MLF2: variants seen among roughly 807,000 people sequenced by gnomAD.
MLF2 encodes the protein myeloid leukemia factor 2.
A neutral mutation model predicts 31.4 loss-of-function variants in MLF2; 12 were observed. The observed-to-expected ratio is 0.38, with a 90% confidence interval of 0.24 to 0.62. The LOEUF is 0.62. Among genes scored for constraint, MLF2 ranks in the 20% least tolerant of loss-of-function variants. The pLI is 0.58. For missense variants in MLF2, 272 were observed against 359.7 expected, an observed-to-expected ratio of 0.76 and a Z score of 1.97; for synonymous variants, 109 against 118.8, an observed-to-expected ratio of 0.92 and a Z score of 0.54.
Position 6,752,258 on chromosome 12 carries a change from A to G in MLF2, c.50+27T>C. ...GAACTGCTCAGAGACCTGGAGTGGG[A>G]GAGCTTGAGGGGGAGGGAATACTCA... On this transcript the variant is annotated intron_variant, in intron 2 of 8. Transcript: ENST00000203630. The surrounding 1 kb of genome is among the most constrained non-coding windows in gnomAD (Gnocchi z 4.6). The G allele has an allele frequency of 1.3e-6, 2 of 1,558,142 alleles. No homozygotes were observed. The highest frequency in any genetic ancestry group is 8.7e-7 in the Non-Finnish European group (1 of 1,150,046).
Position 6,750,694 on chromosome 12 carries a change from G to C in MLF2, c.270+19C>G. 6.2e-7 allele frequency: 1 copy of C among 1,613,004 alleles called. No individual in the cohort carries two copies. The highest frequency in any genetic ancestry group is 8.5e-7 in the Non-Finnish European group (1 of 1,179,042). ...ATCACTGAGAGCAAGGCCGGGGAAG[G>C]GTATGGGGCAAGTCTCACCATGTTT... On this transcript the variant is annotated intron_variant, in intron 5 of 8. Transcript: ENST00000203630. This position sits in a 1 kb window ranked among gnomAD's most constrained non-coding sequence, Gnocchi z 5.3.
chr12:6,748,859 G>T lies in MLF2; in HGVS notation c.683C>A (p.Pro228His), dbSNP rs1334812310. ...CTCAGGTCCCTGGATGGCCAGGCGGGGAGGCCCCTCCGCCCTTCGTCCCCC... is the reference window on the plus strand; with the variant it reads ...CTCAGGTCCCTGGATGGCCAGGCGGTGAGGCCCCTCCGCCCTTCGTCCCCC... ...GAGGRRAEGP[P>H]RLAIQGPEDS... The change falls in exon 8 of 9, where the codon CCC becomes CAC. Residue 228 changes from proline (P) to histidine (H), a missense_variant. Physicochemically the swap from Pro to His is moderately conservative, Grantham distance 77. Transcript: ENST00000203630. This position sits in a 1 kb window ranked among gnomAD's most constrained non-coding sequence, Gnocchi z 4.6. The T allele has an allele frequency of 6.3e-7, 1 of 1,589,064 alleles. No homozygotes were observed.
chr12:6,749,292 CG>C lies in MLF2; in HGVS notation c.560-311del, dbSNP rs1442843088. Among the ~76,000 whole-genome samples the C allele has an allele frequency of 1.3e-5, 2 of 149,626 alleles. No individual in the cohort carries two copies. Among genetic ancestry groups the C allele is most frequent in the Non-Finnish European group, 3.0e-5 (2 of 66,902 alleles). ...AAAAGATAAAGAGGGGAGAAAGAAA[CG>C]GATCAAGGTGGAGAAGGGTGTAACA... is the stretch of plus-strand genomic sequence containing the variant. On this transcript the variant is annotated intron_variant, in intron 7 of 8. Transcript: ENST00000203630. The surrounding 1 kb of genome is among the most constrained non-coding windows in gnomAD (Gnocchi z 5.3).
rs1941569905 is a variant in MLF2, at chr12:6,749,029, T to C, written c.560-47A>G. 3 of 1,485,878 alleles carry C rather than the reference T, an allele frequency of 2.0e-6. No homozygotes were observed. The highest frequency in any genetic ancestry group is 1.8e-6 in the Non-Finnish European group (2 of 1,123,952). 92.0% of individuals were successfully genotyped at this position (1,485,878 alleles called of 1,614,324 possible). ...TGAGGCCTGTGTGCGGCCTGGCTCC[T>C]GGAGGCCGATGTGCGAGCGAGCCAC... On this transcript the variant is annotated intron_variant, in intron 7 of 8. Transcript: ENST00000203630. This position sits in a 1 kb window ranked among gnomAD's most constrained non-coding sequence, Gnocchi z 5.3.
In MLF2 at chr12:6,752,581, C is replaced by T. The variant is rs920049823; in HGVS notation, c.-28-219G>A. The T allele has an allele frequency of 4.2e-6, 2 of 477,238 alleles. No individual in the cohort carries two copies. Among genetic ancestry groups the T allele is most frequent in the Admixed American group, 6.9e-5 (2 of 28,780 alleles). 29.6% of individuals were successfully genotyped at this position (477,238 alleles called of 1,614,324 possible). On this transcript the variant is annotated intron_variant, in intron 1 of 8. Transcript: ENST00000203630. The surrounding 1 kb of genome is among the most constrained non-coding windows in gnomAD (Gnocchi z 4.6). ...GGCCATGGAAAATTTTTCCAACCCT[C>T]TCGGTTTTTCCCTCCCCCACTCAGA...
rs780366039 is a variant in MLF2 at position 6,752,011 on chromosome 12, A to G, written c.94T>C (p.Ser32Pro). 9 of 1,614,232 alleles carry G rather than the reference A, an allele frequency of 5.6e-6. No individual in the cohort carries two copies. The highest frequency in any genetic ancestry group is 7.6e-6 in the Non-Finnish European group (9 of 1,180,034). The change falls in exon 3 of 9, where the codon TCA becomes CCA. Residue 32 changes from serine to proline, a missense_variant. Transcript: ENST00000203630. This position sits in a 1 kb window ranked among gnomAD's most constrained non-coding sequence, Gnocchi z 4.6. Reference protein sequence around the residue: ...IHRQHMSRMLSGGFGYSPFLS... With the variant: ...IHRQHMSRMLPGGFGYSPFLS... ...AAGGGGCTATATCCAAAGCCACCTG[A>G]CAACATACGGCTCATATGCTGACGG...
chr12:6,752,514 C>A lies in MLF2; in HGVS notation c.-28-152G>T. 1.6e-6 allele frequency: 1 copy of A among 621,076 alleles called. No individual in the cohort carries two copies. Among genetic ancestry groups the A allele is most frequent in the Non-Finnish European group, 2.8e-6 (1 of 362,040 alleles). The allele number at this position is 621,076 out of a possible 1,614,324, so 38.5% of individuals were successfully genotyped here. A position where few individuals can be genotyped will look rare whatever the true frequency, so the allele number is the denominator to read the frequency against. ...CCTACTCCAGGTGTTCCACACAACC[C>A]TCTAGGGAGGGAAGGGCTCTTCAAA... is the stretch of plus-strand genomic sequence containing the variant. On this transcript the variant is annotated intron_variant, in intron 1 of 8. Transcript: ENST00000203630. This position sits in a 1 kb window ranked among gnomAD's most constrained non-coding sequence, Gnocchi z 4.6.
Position 6,753,093 on chromosome 12 carries a change from G to C in MLF2, c.-183C>G, listed in dbSNP as rs2302366. The C allele has an allele frequency of 0.35, 137,988 of 390,616 alleles. 25,111 individuals are homozygous for C. Among genetic ancestry groups the C allele is most frequent in the African/African-American group, 0.46 (22,209 of 48,420 alleles). 24.2% of individuals were successfully genotyped at this position (390,616 alleles called of 1,614,324 possible). Reference sequence around the variant, plus strand: ...CTCCCACAGCTGCCACCTCCGTACGGCCCCCTCGGCCAACGGAGCCCGAAC... The same window carrying C: ...CTCCCACAGCTGCCACCTCCGTACGCCCCCCTCGGCCAACGGAGCCCGAAC... On this transcript the variant is annotated 5_prime_UTR_variant, in exon 1 of 9. Coordinates refer to ENST00000203630, the MANE Select transcript of MLF2 (RefSeq NM_001382226.1).
Position 6,748,086 on chromosome 12 carries a change from C to A in MLF2, c.*487G>T, listed in dbSNP as rs1941552787. The A allele has an allele frequency of 6.6e-6, 1 of 152,068 alleles. No individual in the cohort carries two copies. Among genetic ancestry groups the A allele is most frequent in the Admixed American group, 6.6e-5 (1 of 15,244 alleles). 9.4% of individuals were successfully genotyped at this position (152,068 alleles called of 1,614,324 possible). On this transcript the variant is annotated 3_prime_UTR_variant, in exon 9 of 9. Coordinates refer to ENST00000203630, the MANE Select transcript of MLF2 (RefSeq NM_001382226.1). The surrounding 1 kb of genome is among the most constrained non-coding windows in gnomAD (Gnocchi z 4.6). ...GGCAGAGAAGGGTGTAGGGAAGATT[C>A]TTTTGATGTGTGTGGGCAGGAGGAG...
Position 6,749,074 on chromosome 12 carries a change from GC to G in MLF2, c.560-93del. On this transcript the variant is annotated intron_variant, in intron 7 of 8. Coordinates refer to ENST00000203630, the MANE Select transcript of MLF2 (RefSeq NM_001382226.1). This position sits in a 1 kb window ranked among gnomAD's most constrained non-coding sequence, Gnocchi z 5.3. ...AGCCACAGCTTTTCGGGCCAAAGCG[GC>G]GAAGGCTGAGTGTGCGTGCAGGGAT... 7.3e-7 allele frequency: 1 copy of G among 1,364,552 alleles called. No homozygotes were observed. The highest frequency in any genetic ancestry group is 9.7e-7 in the Non-Finnish European group (1 of 1,027,236). The allele number at this position is 1,364,552 out of a possible 1,614,324, so 84.5% of individuals were successfully genotyped here. A position where few individuals can be genotyped will look rare whatever the true frequency, so the allele number is the denominator to read the frequency against.
At position 6,751,965 on chromosome 12, in the gene MLF2, T is replaced by C. The variant is rs375440619; in HGVS notation, c.140A>G (p.Asn47Ser). 1 of 1,614,244 alleles carries C rather than the reference T, an allele frequency of 6.2e-7. No individual in the cohort carries two copies. The highest frequency in any genetic ancestry group is 1.1e-5 in the South Asian group (1 of 91,082). Residue 47 changes from asparagine (N) to serine (S), a missense_variant, in exon 3 of 9, where the codon AAC becomes AGC. Coordinates refer to ENST00000203630, the MANE Select transcript of MLF2 (RefSeq NM_001382226.1). The part of the protein sequence containing the change: ...YSPFLSITDG[N>S]MPGTRPASRR... ...GCTGGCAGGCCTGGTCCCTGGCATG[T>C]TGCCATCTGTGATGCTGAGGAAGGG...
chr12:6,751,502 T>G, intron 4 of MLF2, 139 bp downstream of exon 4: 1 of 1,034,414 alleles, frequency 9.7e-7, no homozygotes, highest in Non-Finnish European at 1.5e-6. Flanking sequence ...CCCAACAGGC[T>G]CAGAGCTTTG....
rs35537366 is a variant in MLF2 at position 6,749,867 on chromosome 12, G to A, written c.540C>T (p.Asp180=). 5 of 1,614,088 alleles carry A rather than the reference G, an allele frequency of 3.1e-6. No individual in the cohort carries two copies. The African/African-American group carries it at 4.0e-5, about 13-fold the overall frequency. Residue 180 remains aspartate, a synonymous_variant, in exon 7 of 9, where the codon GAC becomes GAT. Coordinates refer to ENST00000203630, the MANE Select transcript of MLF2 (RefSeq NM_001382226.1). The surrounding 1 kb of genome is among the most constrained non-coding windows in gnomAD (Gnocchi z 5.3). The stretch of plus-strand genomic sequence containing the variant: ...GCTCACTCTCATCCAGGTTGATATA[G>A]TCCTGCCGCTCCTCCTGGTCCCCCG... ...HRTGDQEERQ[D]YINLDESEAA...
chr12:6,752,428 G>GTGT lies in MLF2; in HGVS notation c.-28-67_-28-66insACA. ...GGTTTTGCACACCCACTCAGTGTGG[G>GTGT]GACTCTCAGAGCACTGTCCTTTCCA... On this transcript the variant is annotated intron_variant, in intron 1 of 8. Transcript: ENST00000203630. The surrounding 1 kb of genome is among the most constrained non-coding windows in gnomAD (Gnocchi z 4.6). 1.5e-6 allele frequency: 2 copies of GTGT among 1,316,328 alleles called. No individual in the cohort carries two copies. The highest frequency in any genetic ancestry group is 2.1e-6 in the Non-Finnish European group (2 of 940,254). The allele number at this position is 1,316,328 out of a possible 1,614,324, so 81.5% of individuals were successfully genotyped here.
chr12:6,752,431 C>A lies in MLF2; in HGVS notation c.-28-69G>T. The A allele has an allele frequency of 1.6e-6, 2 of 1,268,644 alleles. No individual in the cohort carries two copies. Among genetic ancestry groups the A allele is most frequent in the Non-Finnish European group, 2.2e-6 (2 of 898,020 alleles). 78.6% of individuals were successfully genotyped at this position (1,268,644 alleles called of 1,614,324 possible). On this transcript the variant is annotated intron_variant, in intron 1 of 8. Coordinates refer to ENST00000203630, the MANE Select transcript of MLF2 (RefSeq NM_001382226.1). The surrounding 1 kb of genome is among the most constrained non-coding windows in gnomAD (Gnocchi z 4.6). ...TTTGCACACCCACTCAGTGTGGGGA[C>A]TCTCAGAGCACTGTCCTTTCCAAAT...
intron 4 of MLF2, chr12:6,751,002 C>T: frequency 2.0e-6 from 1 of 511,208 alleles, no homozygotes; most frequent in Non-Finnish European, 3.6e-6. Flanking sequence ...TTTCCTTCTC[C>T]TGCTTGCTAT....
In MLF2 at chr12:6,750,421, GA is replaced by G; in HGVS notation, c.271-117del. On this transcript the variant is annotated intron_variant, in intron 5 of 8. Transcript: ENST00000203630. This position sits in a 1 kb window ranked among gnomAD's most constrained non-coding sequence, Gnocchi z 5.3. The stretch of plus-strand genomic sequence containing the variant: ...ATCTTTCTCACAAAATGCAAGAACT[GA>G]AAAAACATCAGGCCTCATCATTACC... The G allele has an allele frequency of 7.2e-7, 1 of 1,379,776 alleles. No homozygotes were observed. The highest frequency in any genetic ancestry group is 9.8e-7 in the Non-Finnish European group (1 of 1,016,594). 85.5% of individuals were successfully genotyped at this position (1,379,776 alleles called of 1,614,324 possible).
chr12:6,748,877 C>T lies in MLF2; in HGVS notation c.665G>A (p.Arg222Gln), dbSNP rs1941565628. ...RRLESSGAGG[R>Q]RAEGPPRLAI... ...CAGGCGGGGAGGCCCCTCCGCCCTT[C>T]GTCCCCCAGCCCCTGAGGACTCAAG... Residue 222 changes from arginine to glutamine, a missense_variant, in exon 8 of 9, where the codon CGA (arginine) becomes CAA (glutamine). By Grantham distance (43) the Arg-to-Gln change is conservative. Coordinates refer to ENST00000203630, the MANE Select transcript of MLF2 (RefSeq NM_001382226.1). The surrounding 1 kb of genome is among the most constrained non-coding windows in gnomAD (Gnocchi z 4.6). 2.5e-6 allele frequency: 4 copies of T among 1,597,980 alleles called. No individual in the cohort carries two copies. Among genetic ancestry groups the T allele is most frequent in the African/African-American group, 1.4e-5 (1 of 73,592 alleles).
chr12:6,752,119 CA>C lies in MLF2; in HGVS notation c.51-66del. 1.2e-6 allele frequency: 2 copies of C among 1,603,780 alleles called. No homozygotes were observed. The highest frequency in any genetic ancestry group is 1.7e-6 in the Non-Finnish European group (2 of 1,173,714). ...AACTGTCAATCCCTCCACCACCCTG[CA>C]AAAAAATACGCACAGAGCAACAGTG... is the stretch of plus-strand genomic sequence containing the variant. On this transcript the variant is annotated intron_variant, in intron 2 of 8. Transcript: ENST00000203630. This position sits in a 1 kb window ranked among gnomAD's most constrained non-coding sequence, Gnocchi z 4.6.
Sources: allele counts gnomAD v4.1 joint callset (sites outside exome capture counted in the v4.1 genomes callset), GRCh38; gene constraint gnomAD v4.1.1; non-coding constraint Gnocchi (gnomAD v3.1); transcripts MANE v1.5; gene names NCBI Gene and HGNC (gene_info 2026-07-23, HGNC 2026-07-21).